The following CSF2RB variants were observed in gnomAD, a reference collection of about 807,000 sequenced individuals.
CSF2RB encodes the protein cytokine receptor common subunit beta.
In CSF2RB, 22 loss-of-function variants were observed where a neutral mutation model predicts 67.2. That is an observed-to-expected ratio of 0.33 (90% CI 0.23 to 0.47). The LOEUF (loss-of-function observed/expected upper bound fraction) is 0.47, where lower values mean the gene tolerates loss of function less well. Among genes scored for constraint, CSF2RB ranks in the 20% least tolerant of loss-of-function variants. The pLI, the probability that CSF2RB is intolerant of heterozygous loss-of-function variation, is 1.00. For synonymous variants in CSF2RB, 507 were observed against 482.9 expected, an observed-to-expected ratio of 1.05 and a Z score of -0.65; for missense variants, 1,113 against 1,174.5, an observed-to-expected ratio of 0.95 and a Z score of 0.76.
intron 10 of CSF2RB, 22 bp from the exon 11 acceptor site, chr22:36,935,329 C>G: frequency 6.2e-7 from 1 of 1,613,454 alleles, no homozygotes; most frequent in Non-Finnish European, 8.5e-7. Context: ...TGACATTCCT[C>G]TTTCTCCCCG....
Sources: gnomAD v4.1 joint callset for allele counts on GRCh38, gnomAD v4.1.1 for gene constraint, MANE v1.5 for transcripts, NCBI Gene and HGNC (gene_info 2026-07-23, HGNC 2026-07-21) for gene names.